Variants in GFOD1 observed in about 807,000 individuals in gnomAD.
GFOD1 encodes the protein glucose-fructose oxidoreductase domain-containing protein 1.
A neutral mutation model predicts 25.4 loss-of-function variants in GFOD1; 9 were observed. That is an observed-to-expected ratio of 0.35 (90% CI 0.21 to 0.62). The LOEUF is 0.62. Among genes scored for constraint, GFOD1 ranks in the 20% least tolerant of loss-of-function variants. The pLI, the probability that GFOD1 is intolerant of heterozygous loss-of-function variation, is 0.72. For missense variants in GFOD1, 403 were observed against 556.9 expected (o/e 0.72, Z 2.78); for synonymous variants, 253 against 245.6 (o/e 1.03, Z -0.28).
At chr6:13,442,687 A>G (rs987792639) in intron 1 of GFOD1, among the ~76,000 whole-genome samples, 5 of 152,228 alleles carry the variant, frequency 3.3e-5, no homozygotes, top group African/African-American at 1.2e-4. Context: ...CCTGTGCTCT[A>G]TACATGGAAC....
rs556070235 is a variant in GFOD1, at chr6:13,365,351, C to T, written c.565G>A (p.Gly189Ser). 16 of 1,614,166 alleles carry T rather than the reference C, an allele frequency of 9.9e-6. No homozygotes were observed. Among genetic ancestry groups the T allele is most frequent in the South Asian group, 3.3e-5 (3 of 91,082 alleles). ...CCGTGGACCTTGACGGCCTTTTGGCCGGTGAGGAAGGTGAGCAGGTCGATG... is the reference window on the plus strand; with the variant it reads ...CCGTGGACCTTGACGGCCTTTTGGCTGGTGAGGAAGGTGAGCAGGTCGATG... ...YIIDLLTFLT[G>S]QKAVKVHGLL... The change falls in exon 2 of 2, where the codon GGC becomes AGC. Residue 189 changes from glycine (G) to serine (S), a missense_variant. Gly to Ser is a moderately conservative substitution (Grantham distance 56, BLOSUM62 0). Coordinates refer to ENST00000379287, the MANE Select transcript of GFOD1 (RefSeq NM_018988.4). This position sits in a 1 kb window ranked among gnomAD's most constrained non-coding sequence, Gnocchi z 9.2.
At chr6:13,409,151 G>GAAAGAAAGAAAGAAAGGA (rs751020501) in intron 1 of GFOD1, among the ~76,000 whole-genome samples, 3 of 64,548 alleles carry the variant, frequency 4.6e-5, no homozygotes, top group African/African-American at 2.2e-4. Context: ...GAAAGAAAGA[G>GAAAGAAAGAAAGAAAGGA]AGGAAAGAAA....
At position 13,363,025 on chromosome 6, in the gene GFOD1, T is replaced by TA. The variant is rs1463219052; in HGVS notation, c.*1717dup. 2 of 152,240 alleles carry TA rather than the reference T, an allele frequency of 1.3e-5. No individual in the cohort carries two copies. The highest frequency in any genetic ancestry group is 4.8e-5 in the African/African-American group (2 of 41,460). 9.4% of individuals were successfully genotyped at this position (152,240 alleles called of 1,614,324 possible). A position where few individuals can be genotyped will look rare whatever the true frequency, so the allele number is the denominator to read the frequency against. ...CCTGTGAACAAAAGCTACGTAGACT[T>TA]ATGAGGAATGGCTTCCACGTCCACA... is the stretch of plus-strand genomic sequence containing the variant. On this transcript the variant is annotated 3_prime_UTR_variant, in exon 2 of 2. Coordinates refer to ENST00000379287, the MANE Select transcript of GFOD1 (RefSeq NM_018988.4).
rs1197728240 is a variant in GFOD1 at position 13,364,050 on chromosome 6, C to G, written c.*693G>C. 1 of 152,188 alleles carries G rather than the reference C, an allele frequency of 6.6e-6. No individual in the cohort carries two copies. Among genetic ancestry groups the G allele is most frequent in the Non-Finnish European group, 1.5e-5 (1 of 68,086 alleles). 9.4% of individuals were successfully genotyped at this position (152,188 alleles called of 1,614,324 possible). A position where few individuals can be genotyped will look rare whatever the true frequency, so the allele number is the denominator to read the frequency against. ...TGGCTCCTGGGAGTCCTGCTTTTTG[C>G]TTGCTATTTCTGACCTCTCTTTCTC... On this transcript the variant is annotated 3_prime_UTR_variant, in exon 2 of 2. Transcript: ENST00000379287. The surrounding 1 kb of genome is among the most constrained non-coding windows in gnomAD (Gnocchi z 4.1).
At chr6:13,369,899 G>A (rs1367110563) in intron 1 of GFOD1, among the ~76,000 whole-genome samples, 2 of 151,944 alleles carry the variant, frequency 1.3e-5, no homozygotes, top group Non-Finnish European at 2.9e-5. Flanking sequence ...AACCCTAGGA[G>A]GTTTACTCTG....
intron 1 of GFOD1, among the ~76,000 whole-genome samples, chr6:13,444,314 T>G (rs1229328357): frequency 6.6e-6 from 1 of 151,956 alleles, no homozygotes; most frequent in African/African-American, 2.4e-5. Flanking sequence ...ATGATGAGAA[T>G]TCATGGACAC....
At chr6:13,456,147 C>T (rs1316227220) in intron 1 of GFOD1, among the ~76,000 whole-genome samples, 12 of 152,106 alleles carry the variant, frequency 7.9e-5, no homozygotes, top group Admixed American at 6.5e-4. Context: ...TAAGAGACTC[C>T]TTTAGCTTTT....
chr6:13,462,494 C>T (rs760335447), intron 1 of GFOD1, among the ~76,000 whole-genome samples: 4 of 152,172 alleles, frequency 2.6e-5, no homozygotes. Flanking sequence ...ATCTTCAGTC[C>T]GGTCAACTGT....
At chr6:13,441,577 C>T (rs1757917096) in intron 1 of GFOD1, among the ~76,000 whole-genome samples, 1 of 152,174 alleles carries the variant, frequency 6.6e-6, no homozygotes, top group Admixed American at 6.5e-5. Context: ...AGTAAGTTCT[C>T]CCTTCATCAA....
intron 1 of GFOD1, among the ~76,000 whole-genome samples, chr6:13,394,466 ATTTTTTTT>A (rs70989855): frequency 4.5e-4 from 34 of 75,924 alleles, no homozygotes; most frequent in Admixed American, 1.2e-3. Context: ...TACCCTTTGA[ATTTTTTTT>A]TTTTTTTTTT....
intron 1 of GFOD1, among the ~76,000 whole-genome samples, chr6:13,474,697 G>C (rs981214299): frequency 6.6e-6 from 1 of 152,090 alleles, no homozygotes; most frequent in South Asian, 2.1e-4. Flanking sequence ...GGATTCAAAA[G>C]GTATTTACTA....
rs117000303 is a variant in GFOD1, at chr6:13,380,776, T to C, written c.254-15114A>G. On this transcript the variant is annotated intron_variant, in intron 1 of 1. Coordinates refer to ENST00000379287, the MANE Select transcript of GFOD1 (RefSeq NM_018988.4). ...TTTTGGTTGCAAGCTGATATTTTCA[T>C]AGGTCTATGCTACCATCCTCACTAG... Among the ~76,000 whole-genome samples, 670 of 152,326 alleles carry C rather than the reference T, an allele frequency of 4.4e-3. 6 individuals are homozygous for C. The highest frequency in any genetic ancestry group is 0.042 in the East Asian group (219 of 5,186).
intron 1 of GFOD1, chr6:13,486,382 C>T: frequency 1.7e-6 from 1 of 577,854 alleles, no homozygotes; most frequent in South Asian, 2.0e-5. Flanking sequence ...CACACGCCTT[C>T]TCCAGCCTGC....
rs559061247 is a variant in GFOD1, at chr6:13,450,012, T to C, written c.253+36626A>G. ...CTGTCACCACCATTCAATTAAGGAA[T>C]GCTGCTGCTGCTCTTTCCGAAGAAC... is the stretch of plus-strand genomic sequence containing the variant. On this transcript the variant is annotated intron_variant, in intron 1 of 1. Coordinates refer to ENST00000379287, the MANE Select transcript of GFOD1 (RefSeq NM_018988.4). 3.9e-5 allele frequency among the ~76,000 whole-genome samples: 6 copies of C among 152,326 alleles called. 1 individual carries two copies. The South Asian group carries it at 1.2e-3, about 32-fold the overall frequency.
intron 1 of GFOD1, among the ~76,000 whole-genome samples, chr6:13,407,212 TGGGA>T (rs1310169258): frequency 6.6e-6 from 1 of 152,226 alleles, no homozygotes; most frequent in Non-Finnish European, 1.5e-5. Context: ...GCGACTGCTA[TGGGA>T]GGAAGAACTT....
At chr6:13,442,068 G>A (rs1318927308) in intron 1 of GFOD1, among the ~76,000 whole-genome samples, 2 of 152,176 alleles carry the variant, frequency 1.3e-5, no homozygotes, top group Non-Finnish European at 2.9e-5. Flanking sequence ...AGAGCACCTG[G>A]GGAAAACCCA....
intron 1 of GFOD1, among the ~76,000 whole-genome samples, chr6:13,459,566 A>G (rs924251361): frequency 4.6e-5 from 7 of 152,166 alleles, no homozygotes; most frequent in African/African-American, 1.7e-4. Context: ...CAGAGCAAAC[A>G]GACAACCTAC....
chr6:13,362,804 G>A lies in GFOD1; in HGVS notation c.*1939C>T, dbSNP rs1784967809. 1 of 152,232 alleles carries A rather than the reference G, an allele frequency of 6.6e-6. No individual in the cohort carries two copies. Among genetic ancestry groups the A allele is most frequent in the Non-Finnish European group, 1.5e-5 (1 of 68,054 alleles). The allele number at this position is 152,232 out of a possible 1,614,324, so 9.4% of individuals were successfully genotyped here. A position where few individuals can be genotyped will look rare whatever the true frequency, so the allele number is the denominator to read the frequency against. Reference sequence around the variant, plus strand: ...CCACACTTGCACCTATGAGTAGCCTGGGCTTCAAAGAATATTGACCCTAGG... The same window carrying A: ...CCACACTTGCACCTATGAGTAGCCTAGGCTTCAAAGAATATTGACCCTAGG... On this transcript the variant is annotated 3_prime_UTR_variant, in exon 2 of 2. Coordinates refer to ENST00000379287, the MANE Select transcript of GFOD1 (RefSeq NM_018988.4).
intron 1 of GFOD1, among the ~76,000 whole-genome samples, chr6:13,386,446 C>T (rs1785478629): frequency 1.3e-5 from 2 of 152,178 alleles, no homozygotes; most frequent in South Asian, 4.1e-4. Flanking sequence ...GGACATGCGG[C>T]TGTCCCTGCC....
Sources: allele counts gnomAD v4.1 joint callset (sites outside exome capture counted in the v4.1 genomes callset), GRCh38; gene constraint gnomAD v4.1.1; non-coding constraint Gnocchi (gnomAD v3.1); transcripts MANE v1.5; gene names NCBI Gene and HGNC (gene_info 2026-07-23, HGNC 2026-07-21).